SLIT3: variants seen among roughly 807,000 people sequenced by gnomAD.
SLIT3 encodes the protein slit homolog 3 protein.
In SLIT3, 68 loss-of-function variants were observed where a neutral mutation model predicts 184.0. The ratio of observed to expected loss-of-function variants is 0.37; its 90% CI spans 0.30 to 0.45. The LOEUF (loss-of-function observed/expected upper bound fraction) is 0.45, where lower values mean the gene tolerates loss of function less well. SLIT3 is among the 20% of genes least tolerant of loss of function. The pLI is 1.00. For synonymous variants in SLIT3, 831 were observed against 828.6 expected (o/e 1.00, Z -0.05); for missense variants, 1,707 against 2,026.0 (o/e 0.84, Z 3.02).
intron 4 of SLIT3, among the ~76,000 whole-genome samples, chr5:168,945,257 T>C (rs1386119589): frequency 6.6e-6 from 1 of 151,978 alleles, no homozygotes; most frequent in African/African-American, 2.4e-5. Flanking sequence ...TTTTTTTTTT[T>C]TTGAGACAAA....
intron 4 of SLIT3, among the ~76,000 whole-genome samples, chr5:169,097,667 G>C (rs1434161075): frequency 6.6e-6 from 1 of 152,184 alleles, no homozygotes; most frequent in African/African-American, 2.4e-5. Flanking sequence ...AGACATTTCT[G>C]GCCAGAGGGG....
intron 3 of SLIT3, among the ~76,000 whole-genome samples, chr5:169,224,531 C>T (rs1764732489): frequency 6.6e-6 from 1 of 151,970 alleles, no homozygotes; most frequent in Non-Finnish European, 1.5e-5. Flanking sequence ...CCACACGTGG[C>T]TAACCTTTTG....
At chr5:168,796,195 G>A (rs186445135) in intron 9 of SLIT3, among the ~76,000 whole-genome samples, 81 of 152,268 alleles carry the variant, frequency 5.3e-4, no homozygotes, top group African/African-American at 1.7e-3. Context: ...CACTCCCCGG[G>A]TCTGCTGCTG....
intron 4 of SLIT3, among the ~76,000 whole-genome samples, chr5:169,117,768 C>G (rs1192427717): frequency 6.6e-6 from 1 of 152,310 alleles, no homozygotes; most frequent in Non-Finnish European, 1.5e-5. Flanking sequence ...AAGGAGAACT[C>G]TGTTTCTCCT....
chr5:168,796,608 A>G (rs948254334), intron 9 of SLIT3, among the ~76,000 whole-genome samples: 1 of 152,124 alleles, frequency 6.6e-6, no homozygotes, highest in Non-Finnish European at 1.5e-5. Flanking sequence ...ACGTAGTGGG[A>G]GCAAAAGGGG....
intron 3 of SLIT3, among the ~76,000 whole-genome samples, chr5:169,239,078 T>C (rs1021819527): frequency 3.3e-5 from 5 of 152,194 alleles, no homozygotes; most frequent in African/African-American, 1.2e-4. Context: ...CAAATAATTT[T>C]ATTGTAGATG....
At chr5:169,177,564 C>T (rs965204368) in intron 4 of SLIT3, among the ~76,000 whole-genome samples, 2 of 152,146 alleles carry the variant, frequency 1.3e-5, no homozygotes, top group Non-Finnish European at 2.9e-5. Flanking sequence ...TGCAGTGACC[C>T]TGCCCACCAG....
chr5:169,204,100 G>C lies in SLIT3; in HGVS notation c.342-10550C>G, dbSNP rs1763988518. Among the ~76,000 whole-genome samples, 4 of 152,144 alleles carry C rather than the reference G, an allele frequency of 2.6e-5. No individual in the cohort carries two copies. The South Asian group carries it at 8.3e-4, about 32-fold the overall frequency. ...TGAGTTCTGGGCTACACGAGCCAGAGAGAGGAGGAAACAGCCCCCAGTGTG... is the reference window on the plus strand; with the variant it reads ...TGAGTTCTGGGCTACACGAGCCAGACAGAGGAGGAAACAGCCCCCAGTGTG... On this transcript the variant is annotated intron_variant, in intron 3 of 35. Transcript: ENST00000519560.
At chr5:168,732,059 C>T (rs1763305355) in intron 20 of SLIT3, among the ~76,000 whole-genome samples, 1 of 151,876 alleles carries the variant, frequency 6.6e-6, no homozygotes, top group African/African-American at 2.4e-5. Context: ...AATACTTGAC[C>T]AAAAAACTGT....
intron 4 of SLIT3, among the ~76,000 whole-genome samples, chr5:169,117,171 T>G (rs1185128063): frequency 6.6e-6 from 1 of 152,186 alleles, no homozygotes; most frequent in African/African-American, 2.4e-5. Context: ...GAAAGGTGTG[T>G]GTGCCTGCAC....
At chr5:168,911,637 C>G (rs564442132) in intron 4 of SLIT3, among the ~76,000 whole-genome samples, 8 of 152,146 alleles carry the variant, frequency 5.3e-5, no homozygotes, top group African/African-American at 1.9e-4. Context: ...AATTCCAGTC[C>G]AAGATTTTGG....
At chr5:168,780,900 A>G (rs1040309455) in intron 12 of SLIT3, among the ~76,000 whole-genome samples, 1 of 152,222 alleles carries the variant, frequency 6.6e-6, no homozygotes, top group Non-Finnish European at 1.5e-5. Context: ...AGCTGATGCC[A>G]TGAATTCTGA....
Position 168,665,455 on chromosome 5 carries a change from G to GGATACATTCCA in SLIT3, c.*988_*998dup, listed in dbSNP as rs1416047129. ...GAAGGGCTGACTACCTTCTCTACTG[G>GGATACATTCCA]GATACATTCCAATGAAAAATTACCT... On this transcript the variant is annotated 3_prime_UTR_variant, in exon 36 of 36. Coordinates refer to ENST00000519560, the MANE Select transcript of SLIT3 (RefSeq NM_003062.4). The GGATACATTCCA allele has an allele frequency of 6.6e-6, 1 of 152,318 alleles. No individual in the cohort carries two copies. The highest frequency in any genetic ancestry group is 1.9e-4 in the East Asian group (1 of 5,170). 9.4% of individuals were successfully genotyped at this position (152,318 alleles called of 1,614,324 possible). A position where few individuals can be genotyped will look rare whatever the true frequency, so the allele number is the denominator to read the frequency against.
At chr5:169,070,761 C>T (rs1052015547) in intron 4 of SLIT3, among the ~76,000 whole-genome samples, 1 of 145,704 alleles carries the variant, frequency 6.9e-6, no homozygotes, top group African/African-American at 2.6e-5. Context: ...GTGCTGTCTA[C>T]CAACATTTGC....
chr5:168,944,800 G>A (rs1258117143), intron 4 of SLIT3, among the ~76,000 whole-genome samples: 1 of 152,154 alleles, frequency 6.6e-6, no homozygotes, highest in East Asian at 1.9e-4. Flanking sequence ...CATCCCCTAA[G>A]CTACTTCGTA....
At chr5:168,739,271 A>C (rs1479666049) in intron 20 of SLIT3, among the ~76,000 whole-genome samples, 1 of 152,212 alleles carries the variant, frequency 6.6e-6, no homozygotes, top group East Asian at 1.9e-4. Context: ...TATGTAACAG[A>C]GGACCAAAGG....
chr5:168,936,005 G>A (rs1330570821), intron 4 of SLIT3, among the ~76,000 whole-genome samples: 1 of 152,192 alleles, frequency 6.6e-6, no homozygotes, highest in Non-Finnish European at 1.5e-5. Flanking sequence ...GCATACCAAA[G>A]GAAAGCTCTG....
chr5:168,779,128 T>C (rs1470709510), intron 12 of SLIT3, among the ~76,000 whole-genome samples: 1 of 152,236 alleles, frequency 6.6e-6, no homozygotes, highest in Admixed American at 6.5e-5. Flanking sequence ...CTTTGACAGG[T>C]GACCCTTCTG....
intron 9 of SLIT3, among the ~76,000 whole-genome samples, chr5:168,801,992 C>T (rs963917429): frequency 2.0e-5 from 3 of 152,034 alleles, no homozygotes; most frequent in East Asian, 1.9e-4. Flanking sequence ...GTGCAGAGCC[C>T]CACCCAAGGT....
Sources: allele counts gnomAD v4.1 joint callset (sites outside exome capture counted in the v4.1 genomes callset), GRCh38; gene constraint gnomAD v4.1.1; transcripts MANE v1.5; gene names NCBI Gene and HGNC (gene_info 2026-07-23, HGNC 2026-07-21).